Variants in FBXL18 observed in about 807,000 individuals in gnomAD.
FBXL18 encodes F-box and leucine rich repeat protein 18.
Under a neutral mutation model 46.0 loss-of-function variants are expected in FBXL18, and 36 were observed. The observed-to-expected ratio is 0.78, with a 90% confidence interval of 0.60 to 1.03. The LOEUF (loss-of-function observed/expected upper bound fraction) is 1.03, where lower values mean the gene tolerates loss of function less well. FBXL18 is among the 50% of genes least tolerant of loss of function. FBXL18 has a pLI of 0.00. For missense variants in FBXL18, 977 were observed against 1,004.1 expected (o/e 0.97, Z 0.36); for synonymous variants, 557 against 465.3 (o/e 1.20, Z -2.54).
At chr7:5,497,745 CCT>C (rs1390069526) in intron 3 of FBXL18, among the ~76,000 whole-genome samples, 1 of 152,222 alleles carries the variant, frequency 6.6e-6, no homozygotes, top group African/African-American at 2.4e-5. Context: ...CTCAGCTCCC[CCT>C]GAGCTCCCAC....
At chr7:5,462,351 G>A (rs1001775961) in intron 4 of FBXL18, among the ~76,000 whole-genome samples, 1 of 152,228 alleles carries the variant, frequency 6.6e-6, no homozygotes, top group Non-Finnish European at 1.5e-5. Context: ...GGTACAGGAA[G>A]CCAGGCATTA....
chr7:5,464,940 G>A (rs981704161), intron 4 of FBXL18, among the ~76,000 whole-genome samples: 4 of 151,742 alleles, frequency 2.6e-5, no homozygotes, highest in South Asian at 2.1e-4. Context: ...GTGCGCGCCT[G>A]TAATCTCAGC....
rs368413211 is a variant in FBXL18 at position 5,505,618 on chromosome 7, C to G, written c.31G>C (p.Asp11His). 172 of 1,613,812 alleles carry G rather than the reference C, an allele frequency of 1.1e-4. No individual in the cohort carries two copies. In the African/African-American group the frequency reaches 1.9e-3, roughly 18 times the overall value. Residue 11 changes from aspartate (D) to histidine (H), a missense_variant, in exon 2 of 5, where the codon GAT (aspartate) becomes CAT (histidine). Asp to His is a moderately conservative substitution (Grantham distance 81). Coordinates refer to ENST00000382368, the MANE Select transcript of FBXL18 (RefSeq NM_024963.6). MASSGEDISNDDDDMHPAAAG... is the reference protein window; with the variant it reads MASSGEDISNHDDDMHPAAAG... ...GCTGCAGGGTGCATGTCATCATCATCATTGGATATGTCCTGAAAATAAGGG... is the reference window on the plus strand; with the variant it reads ...GCTGCAGGGTGCATGTCATCATCATGATTGGATATGTCCTGAAAATAAGGG...
At chr7:5,491,103 T>G in intron 4 of FBXL18, 128 bp downstream of exon 4, 1 of 851,708 alleles carries the variant, frequency 1.2e-6, no homozygotes, top group Non-Finnish European at 1.8e-6. Context: ...GCTTTCACCC[T>G]GTCACTGCCT....
intron 3 of FBXL18, among the ~76,000 whole-genome samples, chr7:5,495,422 C>T (rs1304101303): frequency 6.6e-6 from 1 of 152,224 alleles, no homozygotes; most frequent in East Asian, 1.9e-4. Flanking sequence ...CCCCCGCCCT[C>T]CACCGCAAGC....
Position 5,500,513 on chromosome 7 carries a change from GCTT to G in FBXL18, c.1753_1755del (p.Lys585del). 6.2e-7 allele frequency: 1 copy of G among 1,610,016 alleles called. No individual in the cohort carries two copies. The highest frequency in any genetic ancestry group is 1.1e-5 in the South Asian group (1 of 90,760). On this transcript the variant is annotated inframe_deletion, in exon 3 of 5. Coordinates refer to ENST00000382368, the MANE Select transcript of FBXL18 (RefSeq NM_024963.6). ...CTGAGGTCCCTCAGCCGCTTGCAGT[GCTT>G]CAACATGTCTGAGAGCGCGGGCATG...
At chr7:5,504,455 C>T (rs1392334806) in intron 2 of FBXL18, among the ~76,000 whole-genome samples, 6 of 146,376 alleles carry the variant, frequency 4.1e-5, no homozygotes, top group Non-Finnish European at 9.1e-5. Context: ...CAGGCTCCCA[C>T]CACCATGCCC....
At chr7:5,461,165 T>C (rs1179118368) in intron 4 of FBXL18, among the ~76,000 whole-genome samples, 11 of 152,166 alleles carry the variant, frequency 7.2e-5, no homozygotes, top group Admixed American at 5.9e-4. Flanking sequence ...TGAGCCCAGC[T>C]CAGCAGCTCA....
rs1285403677 is a variant in FBXL18 at position 5,462,977 on chromosome 7, T to C, written c.2001-15134A>G. 5.9e-5 allele frequency among the ~76,000 whole-genome samples: 2 copies of C among 33,664 alleles called. 1 individual carries two copies. The highest frequency in any genetic ancestry group is 1.8e-3 in the South Asian group (2 of 1,082). The allele number at this position is 33,664 out of a possible 152,430, so 22.1% of individuals were successfully genotyped here. A position where few individuals can be genotyped will look rare whatever the true frequency, so the allele number is the denominator to read the frequency against. Reference sequence around the variant, plus strand: ...AAAAAAAAAAAAAAAAAAATATATATATATATATATATATATATAATATAT... The same window carrying C: ...AAAAAAAAAAAAAAAAAAATATATACATATATATATATATATATAATATAT... On this transcript the variant is annotated intron_variant and NMD_transcript_variant, in intron 4 of 6. Coordinates refer to the FBXL18 transcript ENST00000415009.
chr7:5,458,550 T>A (rs1057093134), intron 4 of FBXL18, among the ~76,000 whole-genome samples: 1 of 151,788 alleles, frequency 6.6e-6, no homozygotes, highest in African/African-American at 2.4e-5. Context: ...ATACAAAAAT[T>A]AGCCAGGCAT....
At chr7:5,486,085 AT>A (rs1442761723) in intron 4 of FBXL18, among the ~76,000 whole-genome samples, 3 of 149,408 alleles carry the variant, frequency 2.0e-5, no homozygotes, top group Non-Finnish European at 4.4e-5. Context: ...AAATAAATAA[AT>A]AAATAAATAA....
chr7:5,490,607 C>T (rs1783896500), intron 4 of FBXL18, among the ~76,000 whole-genome samples: 2 of 152,198 alleles, frequency 1.3e-5, no homozygotes, highest in South Asian at 2.1e-4. Flanking sequence ...TTACCCACAA[C>T]TGCCCAAGTA....
In FBXL18 at chr7:5,496,247, T is replaced by C. The variant is rs1784077698; in HGVS notation, c.1781+4241A>G. On this transcript the variant is annotated intron_variant, in intron 3 of 4. Coordinates refer to ENST00000382368, the MANE Select transcript of FBXL18 (RefSeq NM_024963.6). The surrounding 1 kb of genome is among the most constrained non-coding windows in gnomAD (Gnocchi z 4.8). ...AGAATATCAAAGGGGTCAAGACCTG[T>C]ACACCCATGAAAAGCACCTGGCAGA... 6.6e-6 allele frequency among the ~76,000 whole-genome samples: 1 copy of C among 152,130 alleles called. No homozygotes were observed. Among genetic ancestry groups the C allele is most frequent in the Non-Finnish European group, 1.5e-5 (1 of 68,016 alleles).
chr7:5,502,591 G>A (rs1024493650), intron 2 of FBXL18, among the ~76,000 whole-genome samples: 1 of 151,806 alleles, frequency 6.6e-6, no homozygotes, highest in Non-Finnish European at 1.5e-5. Context: ...AGCACTTTGG[G>A]AGGCCAACGA....
downstream of FBXL18, among the ~76,000 whole-genome samples, chr7:5,475,162 T>G (rs1021876467): frequency 6.6e-6 from 1 of 151,038 alleles, no homozygotes; most frequent in Non-Finnish European, 1.5e-5. This position sits in a 1 kb window ranked among gnomAD's most constrained non-coding sequence, Gnocchi z 4.2. Flanking sequence ...CTACTGAAAA[T>G]ATTTTAAAAA....
intron 4 of FBXL18, among the ~76,000 whole-genome samples, chr7:5,462,967 AAAATAT>A (rs1215896483): frequency 2.4e-4 from 4 of 17,006 alleles, no homozygotes; most frequent in African/African-American, 4.3e-4. Context: ...AAAAAAAAAA[AAAATAT>A]ATATATATAT....
chr7:5,464,600 T>C (rs1584183655), intron 4 of FBXL18, among the ~76,000 whole-genome samples: 1 of 143,314 alleles, frequency 7.0e-6, no homozygotes, highest in East Asian at 2.2e-4. Flanking sequence ...GAGACGAATG[T>C]TGCAGTGACC....
downstream of FBXL18, among the ~76,000 whole-genome samples, chr7:5,474,865 G>A (rs1344888129): frequency 8.7e-5 from 13 of 150,160 alleles, no homozygotes; most frequent in East Asian, 2.0e-4. Flanking sequence ...CCGCCACCAC[G>A]CCCAGCTAAT....
intron 4 of FBXL18, among the ~76,000 whole-genome samples, chr7:5,484,725 G>A (rs951847879): frequency 8.8e-5 from 13 of 148,154 alleles, no homozygotes; most frequent in African/African-American, 3.0e-4. Context: ...TGCAACCTCC[G>A]CCTCCCGAGC....
Sources: allele counts gnomAD v4.1 joint callset (sites outside exome capture counted in the v4.1 genomes callset), GRCh38; gene constraint gnomAD v4.1.1; non-coding constraint Gnocchi (gnomAD v3.1); transcripts MANE v1.5; gene names NCBI Gene and HGNC (gene_info 2026-07-23, HGNC 2026-07-21).